The following RASGRF2 variants were observed in gnomAD, a reference collection of about 807,000 sequenced individuals.
RASGRF2 encodes ras-specific guanine nucleotide-releasing factor 2.
A neutral mutation model predicts 151.0 loss-of-function variants in RASGRF2; 76 were observed. That is an observed-to-expected ratio of 0.50 (90% confidence interval 0.42 to 0.61). RASGRF2 has a LOEUF of 0.61. RASGRF2 is among the 20% of genes least tolerant of loss of function. RASGRF2 has a pLI of 0.00. For missense variants in RASGRF2, 1,148 were observed against 1,564.6 expected (o/e 0.73, Z 4.49); for synonymous variants, 504 against 566.5 (o/e 0.89, Z 1.57).
chr5:81,083,162 G>T (rs1201340248), intron 7 of RASGRF2, among the ~76,000 whole-genome samples: 1 of 152,158 alleles, frequency 6.6e-6, no homozygotes, highest in Non-Finnish European at 1.5e-5. Context: ...GAATCCCTTG[G>T]AGGGTCCGGT....
chr5:81,079,339 C>T (rs1173066238), intron 5 of RASGRF2, among the ~76,000 whole-genome samples: 1 of 152,162 alleles, frequency 6.6e-6, no homozygotes, highest in Non-Finnish European at 1.5e-5. Context: ...TGTTTTATTT[C>T]GTGGACCATT....
intron 17 of RASGRF2, among the ~76,000 whole-genome samples, chr5:81,162,597 C>T (rs189893933): frequency 8.7e-4 from 132 of 152,230 alleles, no homozygotes; most frequent in African/African-American, 3.1e-3. Flanking sequence ...CCACCTGCCT[C>T]GGCCTCCCAA....
chr5:80,999,156 TTCAGAGA>T (rs1054981176), intron 1 of RASGRF2, among the ~76,000 whole-genome samples: 7 of 152,102 alleles, frequency 4.6e-5, no homozygotes, highest in Non-Finnish European at 1.0e-4. Flanking sequence ...GCAAGGTATA[TTCAGAGA>T]TCAGAGTTTG....
At chr5:81,159,261 T>C (rs915743180) in intron 17 of RASGRF2, among the ~76,000 whole-genome samples, 4 of 152,040 alleles carry the variant, frequency 2.6e-5, no homozygotes, top group African/African-American at 9.7e-5. Context: ...TTTTAAAGGG[T>C]CAGGTAGTAA....
chr5:81,208,534 C>CTTTTTTTTTTTTTTTTTT lies in RASGRF2; in HGVS notation c.3156+114_3156+131dup, dbSNP rs71000806. On this transcript the variant is annotated intron_variant, in intron 22 of 26. Transcript: ENST00000265080. ...TAAAACAAAGCAACTCTGTCACCCA[C>CTTTTTTTTTTTTTTTTTT]TTTTTTTTTTTTTTTTTTTTTTTTT... 5 of 233,326 alleles carry CTTTTTTTTTTTTTTTTTT rather than the reference C, an allele frequency of 2.1e-5. 1 individual carries two copies. The African/African-American group carries it at 2.2e-4, about 10-fold the overall frequency. 14.5% of individuals were successfully genotyped at this position (233,326 alleles called of 1,614,324 possible). A position where few individuals can be genotyped will look rare whatever the true frequency, so the allele number is the denominator to read the frequency against.
chr5:81,085,739 C>T (rs1024812094), intron 7 of RASGRF2, 63 bp from the exon 8 acceptor site: 29 of 1,599,922 alleles, frequency 1.8e-5, no homozygotes, highest in African/African-American at 6.7e-5. Context: ...GATGGCCCTG[C>T]GGAGCATGTG....
intron 17 of RASGRF2, among the ~76,000 whole-genome samples, chr5:81,162,482 G>T (rs1754407390): frequency 6.6e-6 from 1 of 152,112 alleles, no homozygotes; most frequent in Admixed American, 6.6e-5. Context: ...TGAGTAGCTG[G>T]GACTACAGGC....
chr5:81,115,521 G>A (rs114160651), intron 15 of RASGRF2, among the ~76,000 whole-genome samples: 4,340 of 152,296 alleles, frequency 0.028, 101 homozygotes, highest in South Asian at 0.055. Flanking sequence ...TCAGATCATG[G>A]CAAGTTTTTT....
At chr5:81,023,976 A>T (rs1363305282) in intron 1 of RASGRF2, among the ~76,000 whole-genome samples, 1 of 152,190 alleles carries the variant, frequency 6.6e-6, no homozygotes, top group Non-Finnish European at 1.5e-5. Flanking sequence ...AATACTTCCC[A>T]TTCCCAGTTG....
chr5:81,065,458 T>C lies in RASGRF2; in HGVS notation c.396-2574T>C, dbSNP rs186720563. ...AGTCCAGCTCCTTCATTAGAGTTCT[T>C]CTTTAGGAAGGTGCCACCCTTTTCT... On this transcript the variant is annotated intron_variant, in intron 2 of 26. Coordinates refer to ENST00000265080, the MANE Select transcript of RASGRF2 (RefSeq NM_006909.3). Among the ~76,000 whole-genome samples the C allele has an allele frequency of 7.0e-4, 106 of 152,272 alleles. 1 individual carries two copies. The highest frequency in any genetic ancestry group is 6.2e-3 in the South Asian group (30 of 4,816).
At chr5:81,018,312 T>A (rs559161602) in intron 1 of RASGRF2, among the ~76,000 whole-genome samples, 2 of 152,042 alleles carry the variant, frequency 1.3e-5, no homozygotes, top group African/African-American at 4.8e-5. Context: ...AACAAAGTAT[T>A]TCCCCCTGTT....
At chr5:81,220,262 G>A (rs966920147) in intron 26 of RASGRF2, among the ~76,000 whole-genome samples, 1 of 152,032 alleles carries the variant, frequency 6.6e-6, no homozygotes, top group Non-Finnish European at 1.5e-5. Context: ...TTTTCTTAAG[G>A]TTCAGTTCAC....
At chr5:81,005,970 G>A (rs557132950) in intron 1 of RASGRF2, among the ~76,000 whole-genome samples, 3 of 152,182 alleles carry the variant, frequency 2.0e-5, no homozygotes, top group Admixed American at 6.5e-5. Context: ...TAGTTTTATC[G>A]GACAATCTTT....
intron 2 of RASGRF2, among the ~76,000 whole-genome samples, chr5:81,056,570 A>T (rs1167009707): frequency 6.6e-6 from 1 of 152,170 alleles, no homozygotes; most frequent in African/African-American, 2.4e-5. Flanking sequence ...TTTTGGAATA[A>T]GTGCGGTGTG....
chr5:80,995,201 A>G (rs1025575886), intron 1 of RASGRF2, among the ~76,000 whole-genome samples: 1 of 148,712 alleles, frequency 6.7e-6, no homozygotes, highest in African/African-American at 2.5e-5. Flanking sequence ...GTTTGCAGTG[A>G]GCCGAGATCG....
chr5:80,974,062 C>T (rs1344823734), intron 1 of RASGRF2, among the ~76,000 whole-genome samples: 1 of 152,152 alleles, frequency 6.6e-6, no homozygotes, highest in Non-Finnish European at 1.5e-5. Flanking sequence ...AATGGGTCAG[C>T]TTTTGGCAGG....
chr5:80,993,489 A>C (rs1490288543), intron 1 of RASGRF2, among the ~76,000 whole-genome samples: 1 of 152,198 alleles, frequency 6.6e-6, no homozygotes, highest in Admixed American at 6.5e-5. Flanking sequence ...ATGTTTCATC[A>C]AGGTCCTTTT....
intron 1 of RASGRF2, among the ~76,000 whole-genome samples, chr5:81,025,456 G>A (rs926092376): frequency 6.6e-6 from 1 of 152,204 alleles, no homozygotes; most frequent in Admixed American, 6.5e-5. Context: ...GTGTGTTGGG[G>A]CACAGGTGGT....
At chr5:81,044,563 C>T (rs933068947) in intron 2 of RASGRF2, among the ~76,000 whole-genome samples, 5 of 152,222 alleles carry the variant, frequency 3.3e-5, no homozygotes, top group Admixed American at 6.5e-5. Context: ...CTTATATTTA[C>T]CACCTTCTCT....
Sources: gnomAD v4.1 joint callset for allele counts (sites outside exome capture counted in the v4.1 genomes callset) on GRCh38, gnomAD v4.1.1 for gene constraint, MANE v1.5 for transcripts, NCBI Gene and HGNC (gene_info 2026-07-23, HGNC 2026-07-21) for gene names.